Variants in FTCDNL1 observed in about 807,000 individuals in gnomAD.
The protein encoded by FTCDNL1 is formiminotransferase cyclodeaminase N-terminal like, also known as formiminotransferase N-terminal subdomain-containing protein.
FTCDNL1 carries 11 observed loss-of-function variants against 5.9 expected under a neutral mutation model. The ratio of observed to expected loss-of-function variants is 1.87; its 90% CI spans 1.18 to 3.10. The LOEUF is 3.10. Among genes scored for constraint, FTCDNL1 ranks in the 30% most tolerant of loss-of-function variants. FTCDNL1 has a pLI of 0.00. For synonymous variants in FTCDNL1, 58 were observed against 24.8 expected (o/e 2.34, Z -3.99); for missense variants, 115 against 65.5 (o/e 1.76, Z -2.61).
chr2:199,839,255 T>A (rs556643974), intron 3 of FTCDNL1, among the ~76,000 whole-genome samples: 2 of 152,218 alleles, frequency 1.3e-5, no homozygotes, highest in African/African-American at 4.8e-5. Context: ...CCATTAATGA[T>A]ACGTTCATGA....
chr2:199,829,906 C>A (rs1702260597), intron 3 of FTCDNL1, among the ~76,000 whole-genome samples: 2 of 152,118 alleles, frequency 1.3e-5, no homozygotes, highest in African/African-American at 2.4e-5. Context: ...TGACCTACTG[C>A]ATAAATGCAT....
At chr2:199,729,322 A>T in the FTCDNL1 span, among the ~76,000 whole-genome samples, 1 of 152,172 alleles carries the variant, frequency 6.6e-6, no homozygotes, top group East Asian at 1.9e-4. Context: ...CACCACTCCT[A>T]TCCAACACAG....
chr2:199,779,198 G>A (rs939106953), intron 3 of FTCDNL1, among the ~76,000 whole-genome samples: 4 of 152,204 alleles, frequency 2.6e-5, no homozygotes, highest in African/African-American at 7.2e-5. Flanking sequence ...TGGCTCTATC[G>A]GCTGGGCAAA....
the FTCDNL1 span, among the ~76,000 whole-genome samples, chr2:199,745,401 G>A: frequency 2.0e-5 from 3 of 152,052 alleles, no homozygotes; most frequent in African/African-American, 7.2e-5. Flanking sequence ...TTTCCTACTC[G>A]ATGACAGGTT....
At chr2:199,776,019 T>C (rs1056784196) in intron 3 of FTCDNL1, among the ~76,000 whole-genome samples, 1 of 151,476 alleles carries the variant, frequency 6.6e-6, no homozygotes, top group Non-Finnish European at 1.5e-5. Flanking sequence ...GTTCACGCCA[T>C]TCTCCTGCCT....
the FTCDNL1 span, among the ~76,000 whole-genome samples, chr2:199,694,518 T>C: frequency 1.4e-4 from 21 of 152,272 alleles, no homozygotes; most frequent in East Asian, 3.9e-3. Context: ...TGCTACATAA[T>C]AAACCTGTCC....
intron 3 of FTCDNL1, among the ~76,000 whole-genome samples, chr2:199,773,631 T>C (rs1490251911): frequency 6.6e-6 from 1 of 152,190 alleles, no homozygotes; most frequent in South Asian, 2.1e-4. Flanking sequence ...GGACTGTGAC[T>C]CTTTAGAGGG....
the FTCDNL1 span, among the ~76,000 whole-genome samples, chr2:199,712,371 A>G: frequency 6.6e-6 from 1 of 152,178 alleles, no homozygotes; most frequent in Non-Finnish European, 1.5e-5. Context: ...AATATCACTA[A>G]TCTTTTTATG....
the FTCDNL1 span, among the ~76,000 whole-genome samples, chr2:199,725,861 T>C: frequency 2.0e-5 from 3 of 152,146 alleles, no homozygotes; most frequent in Non-Finnish European, 4.4e-5. Flanking sequence ...TGATTATGTG[T>C]CTTTGGGTTT....
At chr2:199,766,933 C>G (rs1698566722) in intron 3 of FTCDNL1, among the ~76,000 whole-genome samples, 1 of 151,782 alleles carries the variant, frequency 6.6e-6, no homozygotes, top group Admixed American at 6.6e-5. Context: ...TAAAAATATA[C>G]AATATTTCTG....
chr2:199,796,783 T>C (rs1700193732), intron 3 of FTCDNL1, among the ~76,000 whole-genome samples: 1 of 151,112 alleles, frequency 6.6e-6, no homozygotes, highest in Non-Finnish European at 1.5e-5. Flanking sequence ...AAAAATCCCA[T>C]ACAATCTACA....
chr2:199,781,124 C>A (rs1699341524), intron 3 of FTCDNL1, among the ~76,000 whole-genome samples: 1 of 152,218 alleles, frequency 6.6e-6, no homozygotes, highest in Admixed American at 6.5e-5. Flanking sequence ...ATGTCCGCTC[C>A]CACAGGTCCA....
At chr2:199,704,476 A>G in the FTCDNL1 span, among the ~76,000 whole-genome samples, 1 of 152,116 alleles carries the variant, frequency 6.6e-6, no homozygotes, top group African/African-American at 2.4e-5. Flanking sequence ...ATCTAAAGTC[A>G]CAGAAAGAGA....
chr2:199,666,850 G>T, the FTCDNL1 span, among the ~76,000 whole-genome samples: 1 of 151,548 alleles, frequency 6.6e-6, no homozygotes, highest in African/African-American at 2.4e-5. Context: ...AGGCGAGGTT[G>T]CAGTGAGTGG....
At chr2:199,740,516 A>G in the FTCDNL1 span, among the ~76,000 whole-genome samples, 1 of 152,170 alleles carries the variant, frequency 6.6e-6, no homozygotes, top group African/African-American at 2.4e-5. Flanking sequence ...GCCCCATTCT[A>G]AGGACGTGTT....
downstream of FTCDNL1, among the ~76,000 whole-genome samples, chr2:199,759,829 A>C (rs896394250): frequency 2.0e-5 from 3 of 152,182 alleles, no homozygotes; most frequent in Non-Finnish European, 4.4e-5. Context: ...ATGGATCTTT[A>C]GGTCCCTAGT....
chr2:199,838,932 T>C (rs1035523903), intron 3 of FTCDNL1, among the ~76,000 whole-genome samples: 1 of 152,156 alleles, frequency 6.6e-6, no homozygotes, highest in African/African-American at 2.4e-5. Context: ...GGCAGTGGTG[T>C]CTCCACTCGA....
intron 3 of FTCDNL1, among the ~76,000 whole-genome samples, chr2:199,767,301 G>A (rs1459775558): frequency 6.6e-6 from 1 of 152,176 alleles, no homozygotes; most frequent in African/African-American, 2.4e-5. Context: ...AGAAGCCCTT[G>A]AAGCCAGATC....
intron 3 of FTCDNL1, among the ~76,000 whole-genome samples, chr2:199,791,369 T>C (rs1699916796): frequency 6.6e-6 from 1 of 152,178 alleles, no homozygotes; most frequent in East Asian, 1.9e-4. Context: ...AATCAAATTA[T>C]ACATTTAAGT....
Sources: gnomAD v4.1 joint callset for allele counts (sites outside exome capture counted in the v4.1 genomes callset) on GRCh38, gnomAD v4.1.1 for gene constraint, MANE v1.5 for transcripts, NCBI Gene and HGNC (gene_info 2026-07-23, HGNC 2026-07-21) for gene names.